Variants in LRRTM3 observed in about 807,000 individuals in gnomAD.
The protein encoded by LRRTM3 is leucine-rich repeat transmembrane neuronal protein 3.
Under a neutral mutation model 44.7 loss-of-function variants are expected in LRRTM3, and 24 were observed. That is an observed-to-expected ratio of 0.54 (90% CI 0.39 to 0.76). The LOEUF (loss-of-function observed/expected upper bound fraction) is 0.76, where lower values mean the gene tolerates loss of function less well. LRRTM3 is among the 30% of genes least tolerant of loss of function. The pLI, the probability that LRRTM3 is intolerant of heterozygous loss-of-function variation, is 0.00. For synonymous variants in LRRTM3, 277 were observed against 278.7 expected (o/e 0.99, Z 0.06); for missense variants, 587 against 702.2 (o/e 0.84, Z 1.85).
chr10:67,015,659 A>C (rs1463205700), intron 2 of LRRTM3, among the ~76,000 whole-genome samples: 2 of 152,216 alleles, frequency 1.3e-5, no homozygotes, highest in Non-Finnish European at 2.9e-5. Context: ...AAATTGTCCT[A>C]GAACAGAGTA....
At chr10:67,050,658 G>A (rs1855032460) in intron 2 of LRRTM3, among the ~76,000 whole-genome samples, 1 of 152,308 alleles carries the variant, frequency 6.6e-6, no homozygotes, top group Middle Eastern at 3.4e-3. Flanking sequence ...CTCGTGTCCT[G>A]CATGGAATTT....
intron 2 of LRRTM3, among the ~76,000 whole-genome samples, chr10:66,996,408 G>T (rs1473410459): frequency 6.6e-6 from 1 of 152,094 alleles, no homozygotes; most frequent in East Asian, 1.9e-4. Flanking sequence ...CACTTTGGGA[G>T]GCCGAGACGG....
At chr10:67,065,620 T>G (rs1237615554) in intron 2 of LRRTM3, among the ~76,000 whole-genome samples, 1 of 152,068 alleles carries the variant, frequency 6.6e-6, no homozygotes, top group Non-Finnish European at 1.5e-5. Context: ...GTGGGATATT[T>G]CCAGTCTTAG....
intron 2 of LRRTM3, among the ~76,000 whole-genome samples, chr10:66,963,669 G>T (rs1849244954): frequency 1.3e-5 from 2 of 151,788 alleles, no homozygotes; most frequent in African/African-American, 4.8e-5. Flanking sequence ...AGGTATAGAG[G>T]GCATGTCGAA....
At chr10:66,980,283 G>C (rs1269501114) in intron 2 of LRRTM3, among the ~76,000 whole-genome samples, 1 of 152,104 alleles carries the variant, frequency 6.6e-6, no homozygotes, top group African/African-American at 2.4e-5. Context: ...CCTAAGCCAA[G>C]TATACCACAA....
At chr10:67,086,160 A>AT (rs901204085) in intron 2 of LRRTM3, among the ~76,000 whole-genome samples, 9 of 151,846 alleles carry the variant, frequency 5.9e-5, no homozygotes, top group Admixed American at 3.3e-4. Context: ...GAAACAGTAT[A>AT]TTTTTTTTCA....
At chr10:66,993,436 A>G (rs1851150058) in intron 2 of LRRTM3, among the ~76,000 whole-genome samples, 1 of 152,176 alleles carries the variant, frequency 6.6e-6, no homozygotes, top group Non-Finnish European at 1.5e-5. Flanking sequence ...GTACCTGGGA[A>G]GGAAAATAGT....
In LRRTM3 at chr10:66,926,055, A is replaced by C. The variant is rs553798429; in HGVS notation, c.-529A>C. On this transcript the variant is annotated 5_prime_UTR_variant, in exon 1 of 3. Transcript: ENST00000361320. ...CAAAGCAACAGTCCGAGCAGCTTTC[A>C]GAATGACAGTCTGCAGAAGTGAGCT... 8 of 457,210 alleles carry C rather than the reference A, an allele frequency of 1.7e-5. No homozygotes were observed. Among genetic ancestry groups the C allele is most frequent in the African/African-American group, 1.4e-4 (7 of 50,230 alleles). 28.3% of individuals were successfully genotyped at this position (457,210 alleles called of 1,614,324 possible).
intron 2 of LRRTM3, among the ~76,000 whole-genome samples, chr10:66,946,732 C>T (rs1366146234): frequency 1.3e-5 from 2 of 152,000 alleles, no homozygotes; most frequent in Non-Finnish European, 2.9e-5. Context: ...CTACATATTT[C>T]TCATCTCTGT....
intron 2 of LRRTM3, among the ~76,000 whole-genome samples, chr10:66,978,961 T>A (rs1416419349): frequency 5.3e-5 from 2 of 38,094 alleles, no homozygotes; most frequent in East Asian, 0.011. Context: ...ACTTATTTCC[T>A]TTTTTTTTTT....
In LRRTM3 at chr10:67,097,958, T is replaced by C; in HGVS notation, c.*162T>C. 1.5e-6 allele frequency: 1 copy of C among 646,480 alleles called. No homozygotes were observed. The highest frequency in any genetic ancestry group is 2.7e-6 in the Non-Finnish European group (1 of 377,020). 40.0% of individuals were successfully genotyped at this position (646,480 alleles called of 1,614,324 possible). On this transcript the variant is annotated 3_prime_UTR_variant, in exon 3 of 3. Transcript: ENST00000361320. ...ATTGATTCATGAAATAAAGAAGACA[T>C]GAATTGTTTTAAGTCTACACTTTGT...
intron 2 of LRRTM3, among the ~76,000 whole-genome samples, chr10:66,935,633 A>AAT (rs976203081): frequency 1.3e-4 from 20 of 151,604 alleles, no homozygotes; most frequent in Non-Finnish European, 2.4e-4. Context: ...TGCCTAAAAA[A>AAT]ATATATATAT....
chr10:66,955,477 TATGCATCTAAG>T, intron 2 of LRRTM3, among the ~76,000 whole-genome samples: 1 of 152,238 alleles, frequency 6.6e-6, no homozygotes, highest in East Asian at 1.9e-4. Context: ...TGCATGACAG[TATGCATCTAAG>T]AAGTCGAGGG....
chr10:67,059,127 G>T (rs1855610117), intron 2 of LRRTM3, among the ~76,000 whole-genome samples: 1 of 151,998 alleles, frequency 6.6e-6, no homozygotes, highest in Non-Finnish European at 1.5e-5. Flanking sequence ...AATTATCTTG[G>T]TCTCCATGCA....
At chr10:67,051,733 T>C (rs1398858813) in intron 2 of LRRTM3, among the ~76,000 whole-genome samples, 1 of 144,308 alleles carries the variant, frequency 6.9e-6, no homozygotes, top group African/African-American at 2.6e-5. Flanking sequence ...GGAGTGAAGT[T>C]ATACACATTG....
At chr10:67,056,447 T>G (rs546943396) in intron 2 of LRRTM3, among the ~76,000 whole-genome samples, 1 of 152,286 alleles carries the variant, frequency 6.6e-6, no homozygotes, top group East Asian at 1.9e-4. Flanking sequence ...TTGCATTATT[T>G]TTCTTCATGA....
chr10:67,100,850 T>G lies in LRRTM3; in HGVS notation c.*3054T>G, dbSNP rs1040692370. The stretch of plus-strand genomic sequence containing the variant: ...AACACAGGGCCAATAATTGGTGCAG[T>G]TGAATTATTCTCAAAATTTACAGGC... On this transcript the variant is annotated 3_prime_UTR_variant, in exon 3 of 3. Coordinates refer to ENST00000361320, the MANE Select transcript of LRRTM3 (RefSeq NM_178011.5). Among the ~76,000 whole-genome samples, 1 of 151,714 alleles carries G rather than the reference T, an allele frequency of 6.6e-6. No homozygotes were observed. The highest frequency in any genetic ancestry group is 2.4e-5 in the African/African-American group (1 of 41,376).
intron 2 of LRRTM3, among the ~76,000 whole-genome samples, chr10:67,027,647 G>C (rs983677330): frequency 2.6e-5 from 4 of 151,898 alleles, no homozygotes; most frequent in Non-Finnish European, 4.4e-5. Context: ...ATGTTGGCCA[G>C]GATGGTCTCA....
intron 2 of LRRTM3, among the ~76,000 whole-genome samples, chr10:66,953,891 A>G (rs1182844757): frequency 6.6e-6 from 1 of 152,190 alleles, no homozygotes; most frequent in Non-Finnish European, 1.5e-5. Context: ...TAACCCACCC[A>G]TTCTGAACCT....
Sources: gnomAD v4.1 joint callset for allele counts (sites outside exome capture counted in the v4.1 genomes callset) on GRCh38, gnomAD v4.1.1 for gene constraint, MANE v1.5 for transcripts, NCBI Gene and HGNC (gene_info 2026-07-23, HGNC 2026-07-21) for gene names.